The following CPED1 variants were observed in gnomAD, a reference collection of about 807,000 sequenced individuals.
CPED1 encodes cadherin-like and PC-esterase domain-containing protein 1.
Under a neutral mutation model 128.2 loss-of-function variants are expected in CPED1, and 114 were observed. The observed-to-expected ratio is 0.89, with a 90% CI of 0.76 to 1.04. The LOEUF (loss-of-function observed/expected upper bound fraction) is 1.04. Ranked by LOEUF, CPED1 falls within the 50% of genes least tolerant of loss-of-function variation. CPED1 has a pLI of 0.00. For missense variants in CPED1, 1,211 were observed against 1,207.1 expected, an observed-to-expected ratio of 1.00 and a Z score of -0.05; for synonymous variants, 462 against 426.7, an observed-to-expected ratio of 1.08 and a Z score of -1.02.
intron 5 of CPED1, among the ~76,000 whole-genome samples, chr7:121,068,878 T>C (rs1429173271): frequency 6.6e-6 from 1 of 152,156 alleles, no homozygotes. Context: ...TTTGAAGCAA[T>C]TGTGAATGGG....
Position 121,047,646 on chromosome 7 carries a change from T to TTTCTTCTTCTTCTTC in CPED1, c.540+710_540+724dup, listed in dbSNP as rs201842531. On this transcript the variant is annotated intron_variant, in intron 4 of 22. Coordinates refer to ENST00000310396, the MANE Select transcript of CPED1 (RefSeq NM_024913.5). ...TACAATTCGCCATCTAGATAGCACC[T>TTTCTTCTTCTTCTTC]TTCTTCTTCTTCTTCTTCTTCTTCT... is the stretch of plus-strand genomic sequence containing the variant. Among the ~76,000 whole-genome samples, 258 of 123,060 alleles carry TTTCTTCTTCTTCTTC rather than the reference T, an allele frequency of 2.1e-3. 5 individuals are homozygous for TTTCTTCTTCTTCTTC. The highest frequency in any genetic ancestry group is 6.6e-3 in the East Asian group (29 of 4,412). The allele number at this position is 123,060 out of a possible 152,430, so 80.7% of individuals were successfully genotyped here.
intron 16 of CPED1, among the ~76,000 whole-genome samples, chr7:121,166,284 G>A (rs556870005): frequency 2.6e-5 from 4 of 152,156 alleles, no homozygotes; most frequent in African/African-American, 7.2e-5. Context: ...TTAAGTTCTC[G>A]GAAAATTGCT....
At chr7:121,203,552 C>T (rs1376959265) in intron 16 of CPED1, among the ~76,000 whole-genome samples, 1 of 152,048 alleles carries the variant, frequency 6.6e-6, no homozygotes, top group Non-Finnish European at 1.5e-5. Flanking sequence ...CCCTAACTGC[C>T]CCTGTGGGCC....
At chr7:121,198,733 A>G (rs146810328) in intron 16 of CPED1, among the ~76,000 whole-genome samples, 445 of 152,278 alleles carry the variant, frequency 2.9e-3, no homozygotes, top group African/African-American at 1.0e-2. Context: ...GTTACAAGAT[A>G]CCACGTGCTG....
chr7:121,192,680 G>C (rs2116533894), intron 16 of CPED1, among the ~76,000 whole-genome samples: 1 of 152,188 alleles, frequency 6.6e-6, no homozygotes, highest in East Asian at 1.9e-4. Flanking sequence ...TTATTTAGAA[G>C]TCAAGAGAAT....
intron 5 of CPED1, among the ~76,000 whole-genome samples, chr7:121,083,456 AAG>A (rs1794343156): frequency 6.6e-6 from 1 of 152,196 alleles, no homozygotes; most frequent in African/African-American, 2.4e-5. Flanking sequence ...TTGTGCTGCC[AAG>A]CTGGTTTGTA....
chr7:121,197,818 C>T (rs1797305283), intron 16 of CPED1, among the ~76,000 whole-genome samples: 1 of 152,044 alleles, frequency 6.6e-6, no homozygotes, highest in African/African-American at 2.4e-5. Context: ...AGCCTGGCAG[C>T]ACAAGAGTAG....
At chr7:121,276,529 T>G (rs77142547) in intron 22 of CPED1, among the ~76,000 whole-genome samples, 1,915 of 152,208 alleles carry the variant, frequency 0.013, 41 homozygotes, top group African/African-American at 0.044. Context: ...TCAGGGTCAG[T>G]CCTAAAAACC....
At chr7:121,273,372 A>AT (rs1486084687) in intron 22 of CPED1, among the ~76,000 whole-genome samples, 1 of 151,964 alleles carries the variant, frequency 6.6e-6, no homozygotes, top group Non-Finnish European at 1.5e-5. Context: ...AAATACAAAA[A>AT]TTAGCCAGGT....
intron 5 of CPED1, among the ~76,000 whole-genome samples, chr7:121,068,202 T>C (rs1793895243): frequency 6.6e-6 from 1 of 152,248 alleles, no homozygotes; most frequent in African/African-American, 2.4e-5. Flanking sequence ...GCCTATGTCC[T>C]GAATGGTATT....
chr7:121,140,858 C>A lies in CPED1; in HGVS notation c.1731C>A (p.Ile577=), dbSNP rs1208978374. 6.2e-7 allele frequency: 1 copy of A among 1,612,288 alleles called. No homozygotes were observed. Among genetic ancestry groups the A allele is most frequent in the African/African-American group, 1.3e-5 (1 of 74,882 alleles). ...DENTPCHIKQ[I]FTHPHLELNP... is the part of the protein sequence containing the mutation. ...ACACACCATGTCATATCAAGCAGAT[C>A]TTCACACATCCACATTTGGAACTAA... Residue 577 remains isoleucine, a synonymous_variant, in exon 15 of 23, where the codon ATC becomes ATA. Coordinates refer to ENST00000310396, the MANE Select transcript of CPED1 (RefSeq NM_024913.5).
At chr7:121,251,108 T>G (rs535423278) in intron 18 of CPED1, among the ~76,000 whole-genome samples, 1 of 152,258 alleles carries the variant, frequency 6.6e-6, no homozygotes, top group African/African-American at 2.4e-5. Context: ...ATCAAAAAAC[T>G]TATCCACCAT....
intron 11 of CPED1, among the ~76,000 whole-genome samples, chr7:121,128,799 A>G (rs1381704156): frequency 6.6e-6 from 1 of 152,160 alleles, no homozygotes; most frequent in African/African-American, 2.4e-5. Context: ...TTTTAGCTTC[A>G]GAACATTTAC....
intron 18 of CPED1, among the ~76,000 whole-genome samples, chr7:121,261,447 A>G (rs950134333): frequency 6.6e-6 from 1 of 152,100 alleles, no homozygotes; most frequent in Non-Finnish European, 1.5e-5. Context: ...ATAACTAAGC[A>G]GTCATCAAAG....
intron 7 of CPED1, among the ~76,000 whole-genome samples, chr7:121,111,751 CAT>C (rs1355809108): frequency 6.6e-6 from 1 of 152,114 alleles, no homozygotes; most frequent in Non-Finnish European, 1.5e-5. Flanking sequence ...TCACCTTCTC[CAT>C]ATGAGAGGTG....
chr7:121,210,985 T>C (rs1797628413), intron 16 of CPED1, among the ~76,000 whole-genome samples: 1 of 149,476 alleles, frequency 6.7e-6, no homozygotes, highest in African/African-American at 2.5e-5. Context: ...AAACACATAA[T>C]AAAGAAAAAG....
intron 3 of CPED1, among the ~76,000 whole-genome samples, chr7:121,042,091 G>C (rs929408958): frequency 1.3e-5 from 2 of 150,360 alleles, no homozygotes; most frequent in Non-Finnish European, 1.5e-5. Flanking sequence ...AGGAAGTTCT[G>C]GTTTCTCCGC....
chr7:121,062,993 T>G (rs563818927), intron 4 of CPED1: 12 of 152,302 alleles, frequency 7.9e-5, no homozygotes, highest in African/African-American at 2.9e-4. Context: ...TTACCCAGTC[T>G]CGCGTATGTC....
At chr7:121,202,887 A>C (rs539308653) in intron 16 of CPED1, among the ~76,000 whole-genome samples, 1 of 152,144 alleles carries the variant, frequency 6.6e-6, no homozygotes, top group Non-Finnish European at 1.5e-5. Flanking sequence ...TCATTTTCCA[A>C]AGAGCCTCTA....
Sources: gnomAD v4.1 joint callset for allele counts (sites outside exome capture counted in the v4.1 genomes callset) on GRCh38, gnomAD v4.1.1 for gene constraint, MANE v1.5 for transcripts, NCBI Gene and HGNC (gene_info 2026-07-23, HGNC 2026-07-21) for gene names.